The following FER variants were observed in gnomAD, a reference collection of about 807,000 sequenced individuals.
The protein encoded by FER is tyrosine-protein kinase Fer.
Under a neutral mutation model 111.0 loss-of-function variants are expected in FER, and 63 were observed. That is an observed-to-expected ratio of 0.57 (90% CI 0.46 to 0.70). The LOEUF is 0.70. FER is among the 30% of genes least tolerant of loss of function. The probability of loss-of-function intolerance (pLI) is 0.00; values close to 1 mark genes in which losing one functional copy is unlikely to be tolerated. For synonymous variants in FER, 327 were observed against 313.9 expected (o/e 1.04, Z -0.44); for missense variants, 914 against 954.0 (o/e 0.96, Z 0.55).
In FER at chr5:108,806,958, G is replaced by A. The variant is rs548085762; in HGVS notation, c.207+8569G>A. 1.2e-4 allele frequency among the ~76,000 whole-genome samples: 19 copies of A among 152,190 alleles called. No individual in the cohort carries two copies. The South Asian group carries it at 3.7e-3, about 30-fold the overall frequency. On this transcript the variant is annotated intron_variant, in intron 3 of 19. Transcript: ENST00000281092. The stretch of plus-strand genomic sequence containing the variant: ...ACATGAGATTTGGGAGGGGTCCAGG[G>A]TGGAATGATATGGTTTAGCTGTGTC...
At chr5:108,789,599 C>T (rs1300799531) in intron 2 of FER, among the ~76,000 whole-genome samples, 1 of 138,838 alleles carries the variant, frequency 7.2e-6, no homozygotes, top group African/African-American at 2.8e-5. Context: ...CAGGAATTTT[C>T]TTTTTCTTCT....
intron 10 of FER, among the ~76,000 whole-genome samples, chr5:108,934,320 T>G (rs1755137139): frequency 6.6e-6 from 1 of 152,152 alleles, no homozygotes. Context: ...GTGAAAAAGC[T>G]GAAATAGAAA....
intron 17 of FER, among the ~76,000 whole-genome samples, chr5:109,166,893 C>T (rs1756611283): frequency 6.6e-6 from 1 of 152,120 alleles, no homozygotes; most frequent in Non-Finnish European, 1.5e-5. Context: ...TGCAAGGTCT[C>T]TTGTGGCCTA....
At chr5:108,831,554 A>G (rs1168660243) in intron 3 of FER, among the ~76,000 whole-genome samples, 2 of 152,170 alleles carry the variant, frequency 1.3e-5, no homozygotes, top group African/African-American at 4.8e-5. Context: ...GGCCGCACAT[A>G]TGTTCCATGT....
At chr5:108,852,107 C>T (rs553441883) in intron 5 of FER, among the ~76,000 whole-genome samples, 76 of 152,106 alleles carry the variant, frequency 5.0e-4, no homozygotes, top group Non-Finnish European at 9.6e-4. Context: ...ATTTATAAGC[C>T]GTCATTTACC....
At chr5:109,011,071 T>C (rs1010433644) in intron 13 of FER, among the ~76,000 whole-genome samples, 13 of 152,202 alleles carry the variant, frequency 8.5e-5, no homozygotes, top group Admixed American at 7.9e-4. Flanking sequence ...GCATATCTAA[T>C]GTCCAAATAC....
rs964223440 is a variant in FER, at chr5:108,867,808, A to G, written c.523A>G (p.Thr175Ala). ...EKAKERYDKA[T>A]MKLHMLHNQY... The stretch of plus-strand genomic sequence containing the variant: ...GGCCAAGGAACGATACGACAAAGCC[A>G]CAATGAAACTTCATATGTTGCACAA... The change falls in exon 6 of 20, where the codon ACA becomes GCA. Residue 175 changes from threonine (T) to alanine (A), a missense_variant. This residue lies in a region of FER where 774 missense variants were observed against 782.6 expected (regional missense o/e 0.99). Transcript: ENST00000281092. The G allele has an allele frequency of 1.2e-6, 2 of 1,612,934 alleles. No individual in the cohort carries two copies. The highest frequency in any genetic ancestry group is 2.7e-5 in the African/African-American group (2 of 74,800).
At chr5:108,920,547 T>A (rs998005347) in intron 10 of FER, among the ~76,000 whole-genome samples, 4 of 152,118 alleles carry the variant, frequency 2.6e-5, no homozygotes, top group African/African-American at 9.7e-5. Context: ...ATTGCTTAAG[T>A]CCAAATCTTG....
rs565845875 is a variant in FER at position 108,868,348 on chromosome 5, A to G, written c.665+398A>G. 3.9e-5 allele frequency among the ~76,000 whole-genome samples: 6 copies of G among 152,068 alleles called. No homozygotes were observed. The South Asian group carries it at 1.2e-3, about 32-fold the overall frequency. On this transcript the variant is annotated intron_variant, in intron 6 of 19. Coordinates refer to ENST00000281092, the MANE Select transcript of FER (RefSeq NM_005246.4). ...CAGCTTCTTGTTTTTTTTTCTGTATAAGATTAAAATCAACAAATGTTTATT... is the reference window on the plus strand; with the variant it reads ...CAGCTTCTTGTTTTTTTTTCTGTATGAGATTAAAATCAACAAATGTTTATT...
chr5:109,130,058 A>C (rs1752194356), intron 17 of FER, among the ~76,000 whole-genome samples: 1 of 126,860 alleles, frequency 7.9e-6, no homozygotes, highest in African/African-American at 2.9e-5. Flanking sequence ...ACTTGTGCGT[A>C]GGTTTTTTTT....
At chr5:108,778,081 C>A (rs186416588) in intron 2 of FER, among the ~76,000 whole-genome samples, 2 of 152,296 alleles carry the variant, frequency 1.3e-5, no homozygotes, top group Middle Eastern at 3.4e-3. Context: ...AGACTTCTTT[C>A]ATTTAGTAAG....
intron 5 of FER, among the ~76,000 whole-genome samples, chr5:108,844,346 C>T (rs1053387396): frequency 6.6e-6 from 1 of 152,078 alleles, no homozygotes; most frequent in South Asian, 2.1e-4. Context: ...AATATATAAT[C>T]TGTTTTCAAA....
At chr5:109,020,924 G>A (rs1324228430) in intron 13 of FER, among the ~76,000 whole-genome samples, 3 of 151,982 alleles carry the variant, frequency 2.0e-5, no homozygotes, top group Non-Finnish European at 4.4e-5. Context: ...TGAATGAAAT[G>A]TTTGTTTTTA....
At chr5:108,997,743 C>T (rs1371458845) in intron 13 of FER, among the ~76,000 whole-genome samples, 1 of 152,078 alleles carries the variant, frequency 6.6e-6, no homozygotes, top group African/African-American at 2.4e-5. Context: ...TGCCTCTTTC[C>T]CCAGGTGCTC....
At chr5:108,835,332 C>T (rs113127549) in intron 4 of FER, among the ~76,000 whole-genome samples, 5 of 151,946 alleles carry the variant, frequency 3.3e-5, no homozygotes, top group African/African-American at 1.2e-4. Context: ...TAGGCATGCG[C>T]CACCATAGCC....
At position 109,196,514 on chromosome 5, in the gene FER, T is replaced by G. The variant is rs2126922411; in HGVS notation, c.*8939T>G. The G allele has an allele frequency of 6.6e-6, 1 of 152,348 alleles. No homozygotes were observed. Among genetic ancestry groups the G allele is most frequent in the East Asian group, 1.9e-4 (1 of 5,188 alleles). The allele number at this position is 152,348 out of a possible 1,614,324, so 9.4% of individuals were successfully genotyped here. ...CAAACAAGGCTTTGGCGGGTTTATC[T>G]GGCTTTATAAACAAGTCTGAAAAAT... On this transcript the variant is annotated 3_prime_UTR_variant, in exon 20 of 20. Coordinates refer to ENST00000281092, the MANE Select transcript of FER (RefSeq NM_005246.4).
intron 9 of FER, chr5:108,894,540 GA>G: frequency 2.5e-6 from 1 of 405,432 alleles, no homozygotes. Flanking sequence ...CCGATCCACA[GA>G]ATGGAGGGTT....
intron 13 of FER, among the ~76,000 whole-genome samples, chr5:108,976,441 C>G (rs1211457257): frequency 6.6e-6 from 1 of 152,028 alleles, no homozygotes; most frequent in Non-Finnish European, 1.5e-5. Context: ...GTTCACCTGC[C>G]CAATTTAGCC....
intron 19 of FER, among the ~76,000 whole-genome samples, chr5:109,186,710 C>T (rs143077323): frequency 0.012 from 1,814 of 152,250 alleles, 16 homozygotes; most frequent in Non-Finnish European, 0.02. Context: ...GAGAATATGA[C>T]AACATTGTAG....
Sources: allele counts gnomAD v4.1 joint callset (sites outside exome capture counted in the v4.1 genomes callset), GRCh38; gene constraint gnomAD v4.1.1; regional missense constraint gnomAD v4.1.1; transcripts MANE v1.5; gene names NCBI Gene and HGNC (gene_info 2026-07-23, HGNC 2026-07-21).